KIF19: variants seen among roughly 807,000 people sequenced by gnomAD.
The protein encoded by KIF19 is kinesin-like protein KIF19.
Under a neutral mutation model 106.6 loss-of-function variants are expected in KIF19, and 98 were observed. The observed-to-expected ratio is 0.92, with a 90% CI of 0.78 to 1.09. The LOEUF (loss-of-function observed/expected upper bound fraction) is 1.09, where lower values mean the gene tolerates loss of function less well. Among genes scored for constraint, KIF19 ranks in the 50% least tolerant of loss-of-function variants. The pLI is 0.00. For synonymous variants in KIF19, 516 were observed against 584.2 expected (o/e 0.88, Z 1.68); for missense variants, 1,373 against 1,414.3 (o/e 0.97, Z 0.47).
chr17:74,353,091 G>T (rs2054765565), intron 15 of KIF19, 105 bp from the exon 16 acceptor site: 29 of 1,395,084 alleles, frequency 2.1e-5, no homozygotes, highest in Non-Finnish European at 2.8e-5. Context: ...CAGGACTCCT[G>T]GGTTCTCTCT....
chr17:74,332,179 AGTGTGTGT>A (rs1270595840), intron 2 of KIF19, among the ~76,000 whole-genome samples: 1 of 117,706 alleles, frequency 8.5e-6, no homozygotes, highest in Non-Finnish European at 1.8e-5. Flanking sequence ...TGAACACCTC[AGTGTGTGT>A]GTGTGTGTGT....
At position 74,355,051 on chromosome 17, in the gene KIF19, G is replaced by A. The variant is rs139787673; in HGVS notation, c.2866+110G>A. 6.4e-4 allele frequency: 989 copies of A among 1,540,168 alleles called. 7 individuals are homozygous for A. In the African/African-American group the frequency reaches 0.01, roughly 16 times the overall value. ...CTGGCTGCCCCTTGCTGGAAGCATG[G>A]TTCTAGCAGAATACTCATGGGACTG... On this transcript the variant is annotated intron_variant, in intron 19 of 19. Transcript: ENST00000389916.
chr17:74,349,802 T>A (rs59329103), intron 10 of KIF19, among the ~76,000 whole-genome samples: 1 of 27,376 alleles, frequency 3.7e-5, no homozygotes, highest in African/African-American at 6.7e-4. Flanking sequence ...ACAGTAAAGA[T>A]TTTTTTTTTT....
intron 10 of KIF19, among the ~76,000 whole-genome samples, chr17:74,349,803 T>A (rs1006135114): frequency 6.8e-5 from 2 of 29,316 alleles, no homozygotes; most frequent in African/African-American, 4.0e-4. Context: ...CAGTAAAGAT[T>A]TTTTTTTTTT....
chr17:74,354,520 G>A lies in KIF19; in HGVS notation c.2667G>A (p.Arg889=), dbSNP rs759621641. Residue 889 remains arginine (R), a synonymous_variant, in exon 18 of 20, where the codon AGG becomes AGA. Transcript: ENST00000389916. ...AGGAGTCGCTGGAGGCAAAGAGAAGGAAGCGGAGGTCCCGATCCTTCGAGG... is the reference window on the plus strand; with the variant it reads ...AGGAGTCGCTGGAGGCAAAGAGAAGAAAGCGGAGGTCCCGATCCTTCGAGG... ...KREESLEAKR[R]KRRSRSFEVT... 5 of 1,602,972 alleles carry A rather than the reference G, an allele frequency of 3.1e-6. No individual in the cohort carries two copies. Among genetic ancestry groups the A allele is most frequent in the Non-Finnish European group, 4.3e-6 (5 of 1,175,604 alleles).
chr17:74,352,517 C>T (rs557017777), intron 14 of KIF19, among the ~76,000 whole-genome samples, 177 bp downstream of exon 14: 1 of 152,310 alleles, frequency 6.6e-6, no homozygotes, highest in East Asian at 1.9e-4. Context: ...GAGTAAGACC[C>T]TCCTCCTTGG....
Position 74,354,778 on chromosome 17 carries a change from A to C in KIF19, c.2707-4A>C. The C allele has an allele frequency of 6.4e-7, 1 of 1,554,316 alleles. No homozygotes were observed. The highest frequency in any genetic ancestry group is 1.4e-5 in the African/African-American group (1 of 73,208). On this transcript the variant is annotated splice_region_variant and splice_polypyrimidine_tract_variant and intron_variant, in intron 18 of 19. Coordinates refer to ENST00000389916, the MANE Select transcript of KIF19 (RefSeq NM_153209.4). ...GGCCTCACCCCACTGTTCAACCATC[A>C]CAGCTCTCCCACCCCAAGACACACC...
intron 2 of KIF19, among the ~76,000 whole-genome samples, chr17:74,334,393 C>G (rs780019459): frequency 6.6e-6 from 1 of 152,146 alleles, no homozygotes; most frequent in Non-Finnish European, 1.5e-5. Context: ...TTTATAAGCT[C>G]CCTGGGTGAC....
intron 1 of KIF19, among the ~76,000 whole-genome samples, chr17:74,326,927 T>G (rs1221399138): frequency 6.6e-6 from 1 of 152,118 alleles, no homozygotes; most frequent in Non-Finnish European, 1.5e-5. Flanking sequence ...TTCAGAGAAG[T>G]GCTAGATGCA....
In KIF19 at chr17:74,326,305, G is replaced by C; in HGVS notation, c.-45G>C. On this transcript the variant is annotated 5_prime_UTR_variant, in exon 1 of 20. Transcript: ENST00000389916. ...CCGGAGGCGGTGGGGGTGCGGCTGA[G>C]CCATGCCCGGTGGCGCGGCCTGAGC... The C allele has an allele frequency of 6.3e-7, 1 of 1,592,062 alleles. No individual in the cohort carries two copies.
Position 74,344,257 on chromosome 17 carries a change from C to T in KIF19, c.491C>T (p.Pro164Leu). 1 of 1,613,108 alleles carries T rather than the reference C, an allele frequency of 6.2e-7. No individual in the cohort carries two copies. Among genetic ancestry groups the T allele is most frequent in the South Asian group, 1.1e-5 (1 of 91,074 alleles). ...YNEMIRDLLN[P>L]SLGYLELRED... is the part of the protein sequence containing the mutation. ...GAGATGATCCGGGACCTGCTGAACC[C>T]CTCCCTGGGCTACCTGGAGCTGCGG... Residue 164 changes from proline (P) to leucine (L), a missense_variant, in exon 6 of 20, where the codon CCC becomes CTC. This residue lies in a region of KIF19 where 348 missense variants were observed against 389.5 expected (regional missense o/e 0.89). Transcript: ENST00000389916.
At chr17:74,340,058 T>A (rs547934245) in intron 2 of KIF19, among the ~76,000 whole-genome samples, 66 of 152,302 alleles carry the variant, frequency 4.3e-4, no homozygotes, top group Admixed American at 1.2e-3. Flanking sequence ...CCAAGCACAT[T>A]ACACGTTGTT....
At chr17:74,353,331 A>C in intron 16 of KIF19, 30 bp downstream of exon 16, 1 of 1,532,248 alleles carries the variant, frequency 6.5e-7, no homozygotes, top group African/African-American at 1.4e-5. Flanking sequence ...TGGCCCCACG[A>C]GCTCCACTGC....
rs777472757 is a variant in KIF19, at chr17:74,349,398, C to T, written c.1213+49C>T. The T allele has an allele frequency of 7.2e-6, 11 of 1,519,710 alleles. No individual in the cohort carries two copies. In the South Asian group the frequency reaches 7.8e-5, roughly 11 times the overall value. The allele number at this position is 1,519,710 out of a possible 1,614,324, so 94.1% of individuals were successfully genotyped here. On this transcript the variant is annotated intron_variant, in intron 10 of 19. Coordinates refer to ENST00000389916, the MANE Select transcript of KIF19 (RefSeq NM_153209.4). ...TGGCAGCCCCCTCCGGCCAGCCTCACGTTGCTCTGGGATCAGGCCATGTTG... is the reference window on the plus strand; with the variant it reads ...TGGCAGCCCCCTCCGGCCAGCCTCATGTTGCTCTGGGATCAGGCCATGTTG...
rs1305402515 is a variant in KIF19 at position 74,333,834 on chromosome 17, C to G, written c.120+5329C>G. On this transcript the variant is annotated intron_variant, in intron 2 of 19. Coordinates refer to ENST00000389916, the MANE Select transcript of KIF19 (RefSeq NM_153209.4). ...ATTCACATTATAGCTCCTATCAGAA[C>G]TTCACTCCTTTTTTTTTTCTTTTTT... Among the ~76,000 whole-genome samples, 5 of 150,014 alleles carry G rather than the reference C, an allele frequency of 3.3e-5. No homozygotes were observed. In the East Asian group the frequency reaches 9.8e-4, roughly 30 times the overall value.
At chr17:74,351,447 G>A (rs559301864) in intron 12 of KIF19, 76 of 166,762 alleles carry the variant, frequency 4.6e-4, no homozygotes, top group Non-Finnish European at 8.9e-4. Context: ...CCGGGATAGC[G>A]CCACCGCACT....
intron 2 of KIF19, 55 bp downstream of exon 2, chr17:74,328,560 A>C: frequency 6.8e-7 from 1 of 1,479,828 alleles, no homozygotes; most frequent in Middle Eastern, 1.7e-4. Flanking sequence ...CAGATGGCTC[A>C]GCTCACCTGG....
intron 15 of KIF19, 96 bp from the exon 16 acceptor site, chr17:74,353,100 C>T: frequency 5.0e-6 from 7 of 1,398,366 alleles, no homozygotes; most frequent in Non-Finnish European, 7.0e-6. Context: ...TGGGTTCTCT[C>T]TCCTTTCACA....
At position 74,353,277 on chromosome 17, in the gene KIF19, G is replaced by T. The variant is rs755396536; in HGVS notation, c.2196G>T (p.Gln732His). 6.3e-7 allele frequency: 1 copy of T among 1,576,652 alleles called. No homozygotes were observed. Among genetic ancestry groups the T allele is most frequent in the South Asian group, 1.2e-5 (1 of 85,786 alleles). ...SSSVPTPPPI[Q>H]LGSLVTQEAP... ...CTGTGCCCACCCCACCTCCCATCCA[G>T]CTCGGCAGCCTGGTGACGCAGGAGG... Residue 732 changes from glutamine to histidine, a missense_variant, in exon 16 of 20, where the codon CAG becomes CAT. Physicochemically the swap from Gln to His is conservative, Grantham distance 24. Around this residue, in one of 3 missense-constraint regions of KIF19, gnomAD observed 1,020 missense variants for 1,008.2 expected, o/e 1.01. Coordinates refer to ENST00000389916, the MANE Select transcript of KIF19 (RefSeq NM_153209.4).
Sources: allele counts gnomAD v4.1 joint callset (sites outside exome capture counted in the v4.1 genomes callset), GRCh38; gene constraint gnomAD v4.1.1; regional missense constraint gnomAD v4.1.1; transcripts MANE v1.5; gene names NCBI Gene and HGNC (gene_info 2026-07-23, HGNC 2026-07-21).